Variants in CACNA2D3 observed in about 807,000 individuals in gnomAD.
The protein encoded by CACNA2D3 is voltage-dependent calcium channel subunit alpha-2/delta-3.
In CACNA2D3, 60 loss-of-function variants were observed where a neutral mutation model predicts 160.6. The ratio of observed to expected loss-of-function variants is 0.37; its 90% confidence interval spans 0.30 to 0.46. The LOEUF is 0.46. Ranked by LOEUF, CACNA2D3 falls within the 20% of genes least tolerant of loss-of-function variation. CACNA2D3 has a pLI of 1.00. For synonymous variants in CACNA2D3, 558 were observed against 492.9 expected (o/e 1.13, Z -1.75); for missense variants, 1,205 against 1,365.0 (o/e 0.88, Z 1.85).
intron 35 of CACNA2D3, among the ~76,000 whole-genome samples, chr3:55,055,992 T>G (rs1704351245): frequency 1.3e-5 from 2 of 152,098 alleles, no homozygotes. Flanking sequence ...AAGGAAACAA[T>G]TAACAGTGTG....
intron 4 of CACNA2D3, among the ~76,000 whole-genome samples, chr3:54,416,735 C>G (rs1274758807): frequency 2.0e-5 from 3 of 152,024 alleles, no homozygotes; most frequent in Non-Finnish European, 4.4e-5. Context: ...GCTGGTTTTC[C>G]TCATCTAGAT....
At position 54,783,961 on chromosome 3, in the gene CACNA2D3, A is replaced by G. The variant is rs993862740; in HGVS notation, c.1380+19610A>G. ...ACAGCAAATACTGTAATCACATCCT[A>G]TAATTTATATAACCCCAACTGCTGT... On this transcript the variant is annotated intron_variant, in intron 13 of 37. Coordinates refer to ENST00000474759, the MANE Select transcript of CACNA2D3 (RefSeq NM_018398.3). Among the ~76,000 whole-genome samples, 7 of 152,246 alleles carry G rather than the reference A, an allele frequency of 4.6e-5. No individual in the cohort carries two copies. In the East Asian group the frequency reaches 5.8e-4, roughly 13 times the overall value.
chr3:54,593,417 G>A (rs956983238), intron 9 of CACNA2D3, among the ~76,000 whole-genome samples: 2 of 151,916 alleles, frequency 1.3e-5, no homozygotes, highest in African/African-American at 4.8e-5. Flanking sequence ...GTGGAGGGGA[G>A]GGGAGGAGAG....
At chr3:54,660,078 A>G (rs1480320420) in intron 11 of CACNA2D3, among the ~76,000 whole-genome samples, 1 of 152,054 alleles carries the variant, frequency 6.6e-6, no homozygotes, top group South Asian at 2.1e-4. Flanking sequence ...TGAGCCTTGC[A>G]TCTCCTAGTA....
chr3:54,347,138 A>G (rs1415651586), intron 3 of CACNA2D3, among the ~76,000 whole-genome samples: 5 of 152,204 alleles, frequency 3.3e-5, no homozygotes, highest in African/African-American at 1.2e-4. Flanking sequence ...ACTGTGCTGC[A>G]TATTTTATAC....
intron 2 of CACNA2D3, among the ~76,000 whole-genome samples, chr3:54,146,455 G>C (rs1700030497): frequency 6.6e-6 from 1 of 152,226 alleles, no homozygotes; most frequent in Admixed American, 6.5e-5. Context: ...CTTAGCTGCA[G>C]CTGATAAGCT....
chr3:54,654,233 C>A (rs530868), intron 11 of CACNA2D3, among the ~76,000 whole-genome samples: 113,916 of 151,846 alleles, frequency 0.75, 46,124 homozygotes, highest in Non-Finnish European at 0.9. Context: ...TTTCTGCAGG[C>A]AGAACCCCAG....
intron 27 of CACNA2D3, among the ~76,000 whole-genome samples, chr3:54,925,713 G>A (rs1370596499): frequency 1.3e-5 from 2 of 152,254 alleles, no homozygotes; most frequent in African/African-American, 2.4e-5. Flanking sequence ...CAATAGCCAT[G>A]TGTGGCTACC....
intron 27 of CACNA2D3, among the ~76,000 whole-genome samples, chr3:54,959,291 G>A (rs1701977244): frequency 6.6e-6 from 1 of 152,188 alleles, no homozygotes; most frequent in Non-Finnish European, 1.5e-5. Context: ...GAGGGAATTT[G>A]AGTTTGGGAG....
intron 35 of CACNA2D3, among the ~76,000 whole-genome samples, chr3:55,051,388 T>TG (rs372280663): frequency 1.3e-5 from 2 of 151,460 alleles, no homozygotes; most frequent in East Asian, 1.9e-4. Flanking sequence ...GTGCCCCTGC[T>TG]GGGGGGGTGC....
chr3:54,172,764 A>G (rs1319782443), intron 2 of CACNA2D3, among the ~76,000 whole-genome samples: 1 of 152,198 alleles, frequency 6.6e-6, no homozygotes, highest in Admixed American at 6.5e-5. Context: ...TTTCTATTTC[A>G]TTGATTCATT....
chr3:54,500,556 T>C (rs573723618), intron 4 of CACNA2D3, among the ~76,000 whole-genome samples: 160 of 92,664 alleles, frequency 1.7e-3, no homozygotes, highest in African/African-American at 6.8e-3. Context: ...TTCCTTCCTT[T>C]CTCTCTCTTT....
chr3:54,415,792 A>G (rs1035858692), intron 4 of CACNA2D3, among the ~76,000 whole-genome samples: 3 of 152,210 alleles, frequency 2.0e-5, no homozygotes, highest in African/African-American at 4.8e-5. Flanking sequence ...ACAACAGTGG[A>G]TGGATGAATC....
At chr3:54,310,479 GTCT>G (rs1178750716) in intron 2 of CACNA2D3, among the ~76,000 whole-genome samples, 1 of 152,078 alleles carries the variant, frequency 6.6e-6, no homozygotes, top group Non-Finnish European at 1.5e-5. Context: ...TCTAAAAATT[GTCT>G]TCCCTCTGCC....
At chr3:54,234,642 AT>A (rs1327137715) in intron 2 of CACNA2D3, among the ~76,000 whole-genome samples, 1 of 152,208 alleles carries the variant, frequency 6.6e-6, no homozygotes, top group African/African-American at 2.4e-5. Context: ...GATAAAGAAA[AT>A]GTGGTGTATA....
intron 14 of CACNA2D3, among the ~76,000 whole-genome samples, chr3:54,825,432 C>T (rs551938174): frequency 1.2e-4 from 19 of 152,304 alleles, no homozygotes; most frequent in African/African-American, 4.1e-4. Flanking sequence ...AGATACAATT[C>T]TGTAGGTCAT....
chr3:54,447,052 C>G (rs1700234340), intron 4 of CACNA2D3, among the ~76,000 whole-genome samples: 6 of 152,198 alleles, frequency 3.9e-5, no homozygotes. Flanking sequence ...GCCAACAAAA[C>G]TGTCCATGTT....
intron 4 of CACNA2D3, among the ~76,000 whole-genome samples, chr3:54,430,879 A>G (rs1463760039): frequency 6.6e-6 from 1 of 152,216 alleles, no homozygotes; most frequent in Non-Finnish European, 1.5e-5. Flanking sequence ...AAATAATTTG[A>G]GTATAATTTT....
intron 11 of CACNA2D3, among the ~76,000 whole-genome samples, chr3:54,740,906 C>T (rs748313397): frequency 3.9e-5 from 6 of 152,202 alleles, no homozygotes; most frequent in South Asian, 4.1e-4. Context: ...ACTCCTGACT[C>T]CTCGACCTGT....
Sources: allele counts gnomAD v4.1 joint callset (sites outside exome capture counted in the v4.1 genomes callset), GRCh38; gene constraint gnomAD v4.1.1; transcripts MANE v1.5; gene names NCBI Gene and HGNC (gene_info 2026-07-23, HGNC 2026-07-21).